Variants in SLC35G2 observed in about 807,000 individuals in gnomAD.
SLC35G2 encodes solute carrier family 35 member G2, also known as transmembrane protein 22.
In SLC35G2, 20 loss-of-function variants were observed where a neutral mutation model predicts 27.2. The observed-to-expected ratio is 0.74, with a 90% CI of 0.52 to 1.07. The LOEUF is 1.07. SLC35G2 is among the 50% of genes least tolerant of loss of function. The pLI is 0.00. For synonymous variants in SLC35G2, 148 were observed against 165.3 expected, an observed-to-expected ratio of 0.90 and a Z score of 0.80; for missense variants, 416 against 493.3, an observed-to-expected ratio of 0.84 and a Z score of 1.48.
intron 1 of SLC35G2, among the ~76,000 whole-genome samples, chr3:136,832,846 A>C (rs1296776125): frequency 1.3e-5 from 2 of 152,102 alleles, no homozygotes; most frequent in African/African-American, 4.8e-5. Flanking sequence ...AGGCAGGTGG[A>C]TCACGAGGTC....
intron 1 of SLC35G2, among the ~76,000 whole-genome samples, chr3:136,840,644 G>A (rs1293831391): frequency 1.4e-5 from 2 of 139,878 alleles, no homozygotes; most frequent in African/African-American, 5.3e-5. Flanking sequence ...CTTTTCTTTT[G>A]ACAGAGTCTC....
At chr3:136,832,528 T>C (rs986545733) in intron 1 of SLC35G2, among the ~76,000 whole-genome samples, 2 of 152,260 alleles carry the variant, frequency 1.3e-5, no homozygotes, top group Admixed American at 6.5e-5. Flanking sequence ...GTGTCTGATA[T>C]CTTTTCTCAC....
chr3:136,833,404 C>A (rs201160676), intron 1 of SLC35G2, among the ~76,000 whole-genome samples: 1 of 152,108 alleles, frequency 6.6e-6, no homozygotes, highest in Admixed American at 6.5e-5. Context: ...TGTTTCTAGT[C>A]ATTGTAGGTG....
intron 1 of SLC35G2, among the ~76,000 whole-genome samples, chr3:136,832,490 C>A (rs1576891594): frequency 6.6e-6 from 1 of 152,190 alleles, no homozygotes. Context: ...TGTATAATTT[C>A]CTTCCTTTAA....
At chr3:136,849,519 A>G (rs1937545195) in intron 1 of SLC35G2, among the ~76,000 whole-genome samples, 1 of 151,314 alleles carries the variant, frequency 6.6e-6, no homozygotes, top group Non-Finnish European at 1.5e-5. Context: ...TTTTTGAGAC[A>G]AGTTCTCTGT....
intron 1 of SLC35G2, among the ~76,000 whole-genome samples, chr3:136,839,325 G>A (rs1936996597): frequency 6.6e-6 from 1 of 152,202 alleles, no homozygotes. Flanking sequence ...TCATCACCAA[G>A]TGCCAGAATG....
chr3:136,846,296 T>C (rs941517504), intron 1 of SLC35G2, among the ~76,000 whole-genome samples: 3 of 152,160 alleles, frequency 2.0e-5, no homozygotes, highest in Non-Finnish European at 2.9e-5. Flanking sequence ...GCTTGGGAAA[T>C]AGTTCCTCTT....
chr3:136,829,148 ACAC>A (rs1393756207), intron 1 of SLC35G2, among the ~76,000 whole-genome samples: 1 of 152,094 alleles, frequency 6.6e-6, no homozygotes, highest in Non-Finnish European at 1.5e-5. Context: ...AGCAGTTTAC[ACAC>A]CACAATTATA....
chr3:136,855,749 C>A lies in SLC35G2; in HGVS notation c.*50C>A. The A allele has an allele frequency of 7.4e-7, 1 of 1,343,978 alleles. No individual in the cohort carries two copies. The highest frequency in any genetic ancestry group is 1.2e-5 in the South Asian group (1 of 83,054). The allele number at this position is 1,343,978 out of a possible 1,614,324, so 83.3% of individuals were successfully genotyped here. ...AATGTTCAGTTATTATGTATACTGC[C>A]ATTTTAATGTTTACCTATGAATGTC... On this transcript the variant is annotated 3_prime_UTR_variant, in exon 2 of 2. Coordinates refer to ENST00000446465, the MANE Select transcript of SLC35G2 (RefSeq NM_025246.3).
At chr3:136,845,601 A>AT (rs1258810607) in intron 1 of SLC35G2, among the ~76,000 whole-genome samples, 3 of 86,466 alleles carry the variant, frequency 3.5e-5, no homozygotes. Flanking sequence ...CTAAAAATTT[A>AT]ATTTTTTTTT....
intron 1 of SLC35G2, among the ~76,000 whole-genome samples, chr3:136,847,075 G>A (rs925270882): frequency 1.3e-5 from 2 of 152,096 alleles, no homozygotes; most frequent in African/African-American, 4.8e-5. Flanking sequence ...GCTGAGGGAG[G>A]CTGAGGCAGG....
intron 1 of SLC35G2, among the ~76,000 whole-genome samples, chr3:136,848,994 G>A (rs1381484151): frequency 6.6e-6 from 1 of 151,944 alleles, no homozygotes; most frequent in Non-Finnish European, 1.5e-5. Flanking sequence ...AGCCTGACCA[G>A]CATGGAGAAA....
intron 1 of SLC35G2, among the ~76,000 whole-genome samples, chr3:136,844,363 C>T (rs985744159): frequency 2.0e-4 from 30 of 151,502 alleles, no homozygotes; most frequent in African/African-American, 6.8e-4. Flanking sequence ...GTGGCACGCG[C>T]CTGTAGTTCC....
At chr3:136,849,934 G>A (rs369553407) in intron 1 of SLC35G2, among the ~76,000 whole-genome samples, 31 of 151,936 alleles carry the variant, frequency 2.0e-4, no homozygotes, top group Admixed American at 1.3e-3. Flanking sequence ...GTGAAACCCC[G>A]TCTCTACCAA....
At chr3:136,844,895 CAT>C (rs1254648176) in intron 1 of SLC35G2, among the ~76,000 whole-genome samples, 3 of 150,552 alleles carry the variant, frequency 2.0e-5, no homozygotes, top group Non-Finnish European at 4.4e-5. Context: ...TTTATTTTCA[CAT>C]ATGTGGCATT....
chr3:136,837,512 G>T (rs541006673), intron 1 of SLC35G2: 1 of 152,198 alleles, frequency 6.6e-6, no homozygotes, highest in African/African-American at 2.4e-5. Flanking sequence ...AGGATAAATA[G>T]AATCACATCA....
Position 136,855,271 on chromosome 3 carries a change from T to C in SLC35G2, c.811T>C (p.Ser271Pro). ...GATGGCTGGACTGACCACTGCTCTCTCAATGATAGTATACAGATCCATCAA... is the reference window on the plus strand; with the variant it reads ...GATGGCTGGACTGACCACTGCTCTCCCAATGATAGTATACAGATCCATCAA... ...TVMAGLTTAL[S>P]MIVYRSIKEK... The change falls in exon 2 of 2, where the codon TCA becomes CCA. Residue 271 changes from serine (S) to proline (P), a missense_variant. By Grantham distance (74) the Ser-to-Pro change is moderately conservative (BLOSUM62 -1). Coordinates refer to ENST00000446465, the MANE Select transcript of SLC35G2 (RefSeq NM_025246.3). 6.2e-7 allele frequency: 1 copy of C among 1,614,192 alleles called. No individual in the cohort carries two copies. The highest frequency in any genetic ancestry group is 8.5e-7 in the Non-Finnish European group (1 of 1,180,010).
chr3:136,838,625 T>C (rs1297489201), intron 1 of SLC35G2: 1 of 152,218 alleles, frequency 6.6e-6, no homozygotes. Context: ...ATTCATTTGG[T>C]ATATTTTTAA....
intron 1 of SLC35G2, chr3:136,837,630 G>A (rs1417969962): frequency 6.6e-6 from 1 of 152,024 alleles, no homozygotes; most frequent in Non-Finnish European, 1.5e-5. Flanking sequence ...GCATATTACA[G>A]TAATGATTTT....
Sources: gnomAD v4.1 joint callset for allele counts (sites outside exome capture counted in the v4.1 genomes callset) on GRCh38, gnomAD v4.1.1 for gene constraint, MANE v1.5 for transcripts, NCBI Gene and HGNC (gene_info 2026-07-23, HGNC 2026-07-21) for gene names.